Variants in LDLRAD3 observed in about 807,000 individuals in gnomAD.
LDLRAD3 encodes the protein low-density lipoprotein receptor class A domain-containing protein 3.
In LDLRAD3, 20 loss-of-function variants were observed where a neutral mutation model predicts 29.4. That is an observed-to-expected ratio of 0.68 (90% CI 0.48 to 0.99). The LOEUF (loss-of-function observed/expected upper bound fraction) is 0.99. LDLRAD3 is among the 50% of genes least tolerant of loss of function. The pLI, the probability that LDLRAD3 is intolerant of heterozygous loss-of-function variation, is 0.00. For missense variants in LDLRAD3, 420 were observed against 454.3 expected, an observed-to-expected ratio of 0.92 and a Z score of 0.69; for synonymous variants, 157 against 192.7, an observed-to-expected ratio of 0.81 and a Z score of 1.53.
At chr11:36,037,302 A>G (rs940824951) in intron 2 of LDLRAD3, among the ~76,000 whole-genome samples, 2 of 152,024 alleles carry the variant, frequency 1.3e-5, no homozygotes, top group African/African-American at 4.8e-5. Context: ...AGCTGAAGAC[A>G]GGTTAATCAT....
intron 4 of LDLRAD3, among the ~76,000 whole-genome samples, chr11:36,164,002 G>C (rs1854480887): frequency 6.6e-6 from 1 of 152,156 alleles, no homozygotes; most frequent in Non-Finnish European, 1.5e-5. Flanking sequence ...AGAAAATAGA[G>C]ACCTAGAGCT....
At chr11:36,176,587 G>A (rs1854678836) in intron 4 of LDLRAD3, among the ~76,000 whole-genome samples, 1 of 152,022 alleles carries the variant, frequency 6.6e-6, no homozygotes, top group Non-Finnish European at 1.5e-5. Context: ...TAGTTTCACT[G>A]GGTACAGGAT....
At chr11:36,078,225 C>T (rs921952787) in intron 2 of LDLRAD3, among the ~76,000 whole-genome samples, 3 of 152,164 alleles carry the variant, frequency 2.0e-5, no homozygotes, top group Non-Finnish European at 4.4e-5. Flanking sequence ...CAGCCTGGCC[C>T]TCAGGCCTCA....
intron 4 of LDLRAD3, among the ~76,000 whole-genome samples, chr11:36,115,626 C>G (rs1022903691): frequency 6.6e-6 from 1 of 152,118 alleles, no homozygotes; most frequent in East Asian, 1.9e-4. Flanking sequence ...CACAGCTATT[C>G]CTTATCACCC....
chr11:36,145,977 G>T (rs941524015), intron 4 of LDLRAD3, among the ~76,000 whole-genome samples: 35 of 146,950 alleles, frequency 2.4e-4, no homozygotes, highest in African/African-American at 8.4e-4. Context: ...ATCTCCCTCT[G>T]CGAGAAACAC....
chr11:35,958,860 A>G (rs1851239996), intron 1 of LDLRAD3, among the ~76,000 whole-genome samples: 1 of 152,086 alleles, frequency 6.6e-6, no homozygotes, highest in Non-Finnish European at 1.5e-5. Context: ...CAAGGTGACA[A>G]CCACCCCAGA....
intron 3 of LDLRAD3, among the ~76,000 whole-genome samples, chr11:36,087,003 C>G (rs930349849): frequency 6.6e-6 from 1 of 152,154 alleles, no homozygotes. Flanking sequence ...CTGATTGAGC[C>G]TCTAAATCTA....
At chr11:35,997,407 C>A (rs1851768665) in intron 1 of LDLRAD3, 2 of 426,864 alleles carry the variant, frequency 4.7e-6, no homozygotes, top group Non-Finnish European at 4.5e-6. Context: ...TTCTTTCCAT[C>A]TCTTTGTGGT....
At chr11:36,098,884 G>C (rs1230465417) in intron 4 of LDLRAD3, among the ~76,000 whole-genome samples, 1 of 152,066 alleles carries the variant, frequency 6.6e-6, no homozygotes, top group Non-Finnish European at 1.5e-5. Context: ...GCATGCAGCT[G>C]TGTTTTTTTT....
intron 1 of LDLRAD3, chr11:35,968,092 T>C (rs373398527): frequency 2.2e-6 from 1 of 450,472 alleles, no homozygotes; most frequent in Non-Finnish European, 4.4e-6. Flanking sequence ...TAGGAAGCCA[T>C]GTTGGTTTCT....
chr11:35,956,168 A>G (rs1248505138), intron 1 of LDLRAD3, among the ~76,000 whole-genome samples: 1 of 152,148 alleles, frequency 6.6e-6, no homozygotes, highest in African/African-American at 2.4e-5. Context: ...GTTATATATT[A>G]TTAAGCTTTC....
chr11:36,038,674 G>A (rs542568519), intron 2 of LDLRAD3, among the ~76,000 whole-genome samples: 32 of 152,292 alleles, frequency 2.1e-4, no homozygotes, highest in Admixed American at 7.8e-4. Flanking sequence ...GCTGCCTGGA[G>A]CTGCTTGGTT....
At chr11:36,086,174 T>C (rs1016011475) in intron 3 of LDLRAD3, among the ~76,000 whole-genome samples, 3 of 152,214 alleles carry the variant, frequency 2.0e-5, no homozygotes, top group Non-Finnish European at 4.4e-5. Flanking sequence ...GTGTGTGTGA[T>C]TGCTTACTCG....
intron 1 of LDLRAD3, among the ~76,000 whole-genome samples, chr11:35,989,452 A>T (rs953562943): frequency 1.8e-4 from 27 of 152,154 alleles, no homozygotes; most frequent in Admixed American, 1.5e-3. Context: ...GAATCTGTAG[A>T]TTGCTTTCGG....
chr11:36,176,427 G>A (rs1233807870), intron 4 of LDLRAD3, among the ~76,000 whole-genome samples: 3 of 151,064 alleles, frequency 2.0e-5, no homozygotes, highest in Admixed American at 6.6e-5. Flanking sequence ...TATGCTTTTT[G>A]GAAGTTCTAT....
At chr11:36,102,331 A>G (rs1477486604) in intron 4 of LDLRAD3, among the ~76,000 whole-genome samples, 1 of 152,114 alleles carries the variant, frequency 6.6e-6, no homozygotes, top group African/African-American at 2.4e-5. Flanking sequence ...GCTCTCAGTT[A>G]TGTGGGAGAA....
intron 4 of LDLRAD3, among the ~76,000 whole-genome samples, chr11:36,161,380 C>T (rs1854437658): frequency 6.6e-6 from 1 of 152,170 alleles, no homozygotes; most frequent in South Asian, 2.1e-4. Context: ...GCTCTGGCAA[C>T]TGCTTCCTGC....
At chr11:36,220,500 C>T (rs985542827) in intron 4 of LDLRAD3, among the ~76,000 whole-genome samples, 31 of 152,168 alleles carry the variant, frequency 2.0e-4, no homozygotes, top group Admixed American at 1.6e-3. Context: ...AATATTAACA[C>T]TCAAAGAAAC....
chr11:36,168,660 C>G (rs1854552534), intron 4 of LDLRAD3, among the ~76,000 whole-genome samples: 1 of 152,126 alleles, frequency 6.6e-6, no homozygotes, highest in Non-Finnish European at 1.5e-5. Context: ...AAATGTCACT[C>G]ATTTCACTTT....
Sources: allele counts gnomAD v4.1 joint callset (sites outside exome capture counted in the v4.1 genomes callset), GRCh38; gene constraint gnomAD v4.1.1; transcripts MANE v1.5; gene names NCBI Gene and HGNC (gene_info 2026-07-23, HGNC 2026-07-21).